Variants in ZNF469 observed in about 807,000 individuals in gnomAD.
ZNF469 encodes the protein zinc finger protein 469.
Under a neutral mutation model 1.0 loss-of-function variants are expected in ZNF469, and 1 was observed. That is an observed-to-expected ratio of 1.00 (90% confidence interval 0.35 to 4.73). ZNF469 has a LOEUF of 4.73. ZNF469 is among the 30% of genes most tolerant of loss of function. The probability of loss-of-function intolerance (pLI) is 0.16; values close to 1 mark genes in which losing one functional copy is unlikely to be tolerated. For missense variants in ZNF469, 6,100 were observed against 5,356.3 expected (o/e 1.14, Z -4.33); for synonymous variants, 2,703 against 2,363.4 (o/e 1.14, Z -4.17).
At chr16:88,299,957 G>A in the ZNF469 span, among the ~76,000 whole-genome samples, 4 of 152,298 alleles carry the variant, frequency 2.6e-5, no homozygotes, top group South Asian at 2.1e-4. Flanking sequence ...GCATCACCAC[G>A]GCCCCTCTGC....
the ZNF469 span, among the ~76,000 whole-genome samples, chr16:88,349,357 C>T: frequency 6.6e-6 from 1 of 151,914 alleles, no homozygotes; most frequent in South Asian, 2.1e-4. Flanking sequence ...CACACAAGTA[C>T]ACACATATCA....
At chr16:88,267,397 C>T in the ZNF469 span, among the ~76,000 whole-genome samples, 2 of 152,270 alleles carry the variant, frequency 1.3e-5, no homozygotes, top group African/African-American at 4.8e-5. Flanking sequence ...CCCGGGAGCC[C>T]GACGCACACC....
the ZNF469 span, among the ~76,000 whole-genome samples, chr16:88,351,917 T>C: frequency 6.6e-6 from 1 of 152,226 alleles, no homozygotes; most frequent in South Asian, 2.1e-4. Context: ...GTCACCTGGC[T>C]GGTGGAGAAA....
At chr16:88,365,486 G>A in the ZNF469 span, among the ~76,000 whole-genome samples, 3 of 152,210 alleles carry the variant, frequency 2.0e-5, no homozygotes, top group Non-Finnish European at 4.4e-5. Flanking sequence ...AGGAGGTGGC[G>A]GGCATGAGGC....
intron 1 of ZNF469, among the ~76,000 whole-genome samples, chr16:88,400,338 GCCCTGCTGCAAAATTGGCCTA>G (rs1448438020): frequency 3.3e-5 from 5 of 151,922 alleles, no homozygotes. Context: ...GCAGCTTGAA[GCCCTGCTGCAAAATTGGCCTA>G]CCAGGACAAC....
chr16:88,256,908 T>TCTCTCTCTCTCTC, the ZNF469 span, among the ~76,000 whole-genome samples: 3 of 25,690 alleles, frequency 1.2e-4, no homozygotes, highest in African/African-American at 4.8e-4. Flanking sequence ...CTTTCTTTCT[T>TCTCTCTCTCTCTC]TCTTTCTTTC....
At chr16:88,384,581 C>T (rs1315794877) in intron 1 of ZNF469, among the ~76,000 whole-genome samples, 2 of 152,088 alleles carry the variant, frequency 1.3e-5, no homozygotes, top group African/African-American at 2.4e-5. Flanking sequence ...CAGAGCTCAC[C>T]GGGAGGTGAT....
At chr16:88,316,696 G>A in the ZNF469 span, among the ~76,000 whole-genome samples, 6 of 151,844 alleles carry the variant, frequency 4.0e-5, no homozygotes, top group African/African-American at 9.7e-5. Flanking sequence ...ACAGGCGCCC[G>A]CCACCACGCC....
the ZNF469 span, among the ~76,000 whole-genome samples, chr16:88,299,507 C>T: frequency 2.6e-5 from 4 of 152,190 alleles, no homozygotes; most frequent in African/African-American, 9.7e-5. Flanking sequence ...GGAAGGAGCA[C>T]AGCTTTGATG....
chr16:88,237,765 T>C, the ZNF469 span, among the ~76,000 whole-genome samples: 390 of 111,982 alleles, frequency 3.5e-3, 9 homozygotes, highest in African/African-American at 9.2e-3. Flanking sequence ...TCCTTGCTCC[T>C]GCCACTCACC....
chr16:88,166,512 G>T, the ZNF469 span, among the ~76,000 whole-genome samples: 1 of 152,124 alleles, frequency 6.6e-6, no homozygotes, highest in Non-Finnish European at 1.5e-5. This position sits in a 1 kb window ranked among gnomAD's most constrained non-coding sequence, Gnocchi z 4.5. Context: ...CCCTGATCAA[G>T]ACATGGAACC....
At chr16:88,281,835 G>T in the ZNF469 span, among the ~76,000 whole-genome samples, 1 of 150,952 alleles carries the variant, frequency 6.6e-6, no homozygotes, top group African/African-American at 2.4e-5. Flanking sequence ...GCTGTGCCAT[G>T]CTGACGCTTG....
At chr16:88,102,581 G>A in the ZNF469 span, among the ~76,000 whole-genome samples, 1 of 152,214 alleles carries the variant, frequency 6.6e-6, no homozygotes, top group Non-Finnish European at 1.5e-5. Flanking sequence ...GATGGCTTAG[G>A]GATGCAGAGC....
the ZNF469 span, among the ~76,000 whole-genome samples, chr16:88,130,502 T>C: frequency 1.3e-5 from 2 of 151,914 alleles, no homozygotes; most frequent in African/African-American, 4.8e-5. Flanking sequence ...GGTCAGGAGT[T>C]CGAGACCAGC....
At chr16:88,276,400 G>C in the ZNF469 span, 1 of 152,142 alleles carries the variant, frequency 6.6e-6, no homozygotes, top group East Asian at 1.9e-4. Context: ...CCCACCCTGG[G>C]GGGCTGCACC....
chr16:88,221,341 C>T, the ZNF469 span, among the ~76,000 whole-genome samples: 10 of 152,310 alleles, frequency 6.6e-5, no homozygotes, highest in East Asian at 1.7e-3. Flanking sequence ...AATGCTTCCC[C>T]ACTTGTAAAA....
At chr16:88,114,068 C>T in the ZNF469 span, among the ~76,000 whole-genome samples, 4 of 152,222 alleles carry the variant, frequency 2.6e-5, no homozygotes, top group South Asian at 2.1e-4. Flanking sequence ...TGTCCCCCAC[C>T]CCCAGCTTCA....
the ZNF469 span, among the ~76,000 whole-genome samples, chr16:88,254,132 A>G: frequency 6.6e-6 from 1 of 152,194 alleles, no homozygotes; most frequent in Non-Finnish European, 1.5e-5. Context: ...TTCTGTAAAC[A>G]TTACTGCTCT....
the ZNF469 span, among the ~76,000 whole-genome samples, chr16:88,166,509 C>G: frequency 1.3e-5 from 2 of 152,206 alleles, no homozygotes; most frequent in Non-Finnish European, 2.9e-5. The surrounding 1 kb of genome is among the most constrained non-coding windows in gnomAD (Gnocchi z 4.5). Flanking sequence ...CCTCCCTGAT[C>G]AAGACATGGA....
Sources: allele counts gnomAD v4.1 joint callset (sites outside exome capture counted in the v4.1 genomes callset), GRCh38; gene constraint gnomAD v4.1.1; non-coding constraint Gnocchi (gnomAD v3.1); transcripts MANE v1.5; gene names NCBI Gene and HGNC (gene_info 2026-07-23, HGNC 2026-07-21).